Variants in GOT1 observed in about 807,000 individuals in gnomAD.
GOT1 encodes aspartate aminotransferase, cytoplasmic.
GOT1 carries 25 observed loss-of-function variants against 48.2 expected under a neutral mutation model. The ratio of observed to expected loss-of-function variants is 0.52; its 90% CI spans 0.38 to 0.72. The LOEUF (loss-of-function observed/expected upper bound fraction) is 0.72, where lower values mean the gene tolerates loss of function less well. GOT1 is among the 30% of genes least tolerant of loss of function. The pLI, the probability that GOT1 is intolerant of heterozygous loss-of-function variation, is 0.00. For synonymous variants in GOT1, 188 were observed against 193.8 expected, an observed-to-expected ratio of 0.97 and a Z score of 0.25; for missense variants, 380 against 520.1, an observed-to-expected ratio of 0.73 and a Z score of 2.62.
At position 99,397,836 on chromosome 10, in the gene GOT1, CAG is replaced by C; in HGVS notation, c.1103-152_1103-151del. On this transcript the variant is annotated intron_variant, in intron 8 of 8. Transcript: ENST00000370508. The surrounding 1 kb of genome is among the most constrained non-coding windows in gnomAD (Gnocchi z 5.4). ...GGCGCTATTTTGTCCAACTGACAAA[CAG>C]AAAAATATGCTCACTAGATTCTGGA... 4.3e-6 allele frequency: 3 copies of C among 695,674 alleles called. No homozygotes were observed. The highest frequency in any genetic ancestry group is 7.2e-6 in the Non-Finnish European group (3 of 418,514). 43.1% of individuals were successfully genotyped at this position (695,674 alleles called of 1,614,324 possible).
At chr10:99,403,351 T>TA (rs2032708798) in intron 7 of GOT1, 118 bp downstream of exon 7, 7 of 822,036 alleles carry the variant, frequency 8.5e-6, no homozygotes, top group Non-Finnish European at 1.2e-5. Context: ...TCAAAGAAGT[T>TA]AAAGTAATTT....
chr10:99,403,709 C>T lies in GOT1; in HGVS notation c.793+15G>A, dbSNP rs1015803472. 1.9e-6 allele frequency: 3 copies of T among 1,614,140 alleles called. No homozygotes were observed. The highest frequency in any genetic ancestry group is 2.5e-6 in the Non-Finnish European group (3 of 1,179,994). On this transcript the variant is annotated intron_variant, in intron 6 of 8. Transcript: ENST00000370508. ...GCGAGGAGGTGGGGCTGTAACTCCT[C>T]AGGAGAGCACTCACTGTAGAGCCCG...
chr10:99,429,342 C>T (rs2033083752), intron 1 of GOT1, among the ~76,000 whole-genome samples: 1 of 149,914 alleles, frequency 6.7e-6, no homozygotes, highest in South Asian at 2.1e-4. Flanking sequence ...GCCACCGCGC[C>T]CGGCCGACTT....
At position 99,420,878 on chromosome 10, in the gene GOT1, C is replaced by A. The variant is rs1008308357; in HGVS notation, c.119-73G>T. Reference sequence around the variant, plus strand: ...CAAGTTAAGAGTTTGTAACTGTGAACCAGGAGAATCCCACCACCTTCCGGT... The same window carrying A: ...CAAGTTAAGAGTTTGTAACTGTGAAACAGGAGAATCCCACCACCTTCCGGT... On this transcript the variant is annotated intron_variant, in intron 1 of 8. Coordinates refer to ENST00000370508, the MANE Select transcript of GOT1 (RefSeq NM_002079.3). 5 of 1,185,390 alleles carry A rather than the reference C, an allele frequency of 4.2e-6. No individual in the cohort carries two copies. In the Admixed American group the frequency reaches 1.1e-4, roughly 25 times the overall value. The allele number at this position is 1,185,390 out of a possible 1,614,324, so 73.4% of individuals were successfully genotyped here.
chr10:99,417,884 A>G (rs1051834435), intron 2 of GOT1, among the ~76,000 whole-genome samples: 7 of 152,094 alleles, frequency 4.6e-5, no homozygotes, highest in East Asian at 3.9e-4. Context: ...GGAGAACATC[A>G]CACACGGGTC....
chr10:99,423,685 G>C (rs993049529), intron 1 of GOT1, among the ~76,000 whole-genome samples: 3 of 152,092 alleles, frequency 2.0e-5, no homozygotes, highest in African/African-American at 7.2e-5. Context: ...GTCTCACTCT[G>C]TTGCCCAGGT....
rs1434732159 is a variant in GOT1 at position 99,402,696 on chromosome 10, T to C, written c.986A>G (p.Asp329Gly). 6.2e-7 allele frequency: 1 copy of C among 1,613,914 alleles called. No homozygotes were observed. The highest frequency in any genetic ancestry group is 8.5e-7 in the Non-Finnish European group (1 of 1,179,880). The stretch of plus-strand genomic sequence containing the variant: ...TTCAGATCTCATGGTCAGAATCCGG[T>C]CAGCCATTGTCTTCACATTACCTGT... ...EWTGNVKTMADRILTMRSELR... is the reference protein window; with the variant it reads ...EWTGNVKTMAGRILTMRSELR... Residue 329 changes from aspartate (D) to glycine (G), a missense_variant, in exon 8 of 9, where the codon GAC (aspartate) becomes GGC (glycine). By Grantham distance (94) the Asp-to-Gly change is moderately conservative (BLOSUM62 -1). Coordinates refer to ENST00000370508, the MANE Select transcript of GOT1 (RefSeq NM_002079.3).
chr10:99,402,548 C>G, intron 8 of GOT1, 32 bp downstream of exon 8: 1 of 1,611,894 alleles, frequency 6.2e-7, no homozygotes, highest in Non-Finnish European at 8.5e-7. Flanking sequence ...TCTACATGCA[C>G]GCATGGGCTG....
At chr10:99,413,313 T>C (rs1047876791) in intron 2 of GOT1, among the ~76,000 whole-genome samples, 3 of 152,120 alleles carry the variant, frequency 2.0e-5, no homozygotes, top group Non-Finnish European at 4.4e-5. Flanking sequence ...CAGTAGCCGA[T>C]TCGATCAACT....
chr10:99,400,450 A>G (rs900489621), intron 8 of GOT1, among the ~76,000 whole-genome samples: 1 of 151,868 alleles, frequency 6.6e-6, no homozygotes, highest in African/African-American at 2.4e-5. Context: ...GTTTGAGACC[A>G]GCCTGAGCAA....
At chr10:99,404,347 C>T (rs12249347) in intron 5 of GOT1, among the ~76,000 whole-genome samples, 10,335 of 152,258 alleles carry the variant, frequency 0.068, 430 homozygotes, top group Middle Eastern at 0.11. Context: ...CAGCTGTGCT[C>T]TCTGAGTGGA....
chr10:99,429,423 C>T (rs1235333644), intron 1 of GOT1, among the ~76,000 whole-genome samples: 1 of 151,632 alleles, frequency 6.6e-6, no homozygotes, highest in African/African-American at 2.4e-5. Flanking sequence ...TTCTGAGCGT[C>T]CTTCATGTCA....
chr10:99,414,810 T>A (rs1232591520), intron 2 of GOT1, among the ~76,000 whole-genome samples: 1 of 151,782 alleles, frequency 6.6e-6, no homozygotes, highest in Non-Finnish European at 1.5e-5. Context: ...CTCAACTACA[T>A]GAAAACTGAA....
chr10:99,403,371 T>C, intron 7 of GOT1, 98 bp downstream of exon 7: 1 of 995,086 alleles, frequency 1.0e-6, no homozygotes, highest in Non-Finnish European at 1.5e-6. Flanking sequence ...TTATCCTGCT[T>C]CTGCCAAAAT....
intron 8 of GOT1, among the ~76,000 whole-genome samples, chr10:99,401,418 C>A (rs138904454): frequency 1.3e-5 from 2 of 152,150 alleles, no homozygotes; most frequent in East Asian, 1.9e-4. Context: ...CAGTTAAATA[C>A]CTCCCCACGG....
chr10:99,399,128 T>G (rs1363393525), intron 8 of GOT1, among the ~76,000 whole-genome samples: 1 of 152,220 alleles, frequency 6.6e-6, no homozygotes, highest in African/African-American at 2.4e-5. Context: ...CTGTCTTTTG[T>G]GGGAGAGATC....
chr10:99,410,030 G>A (rs2032810356), intron 2 of GOT1, among the ~76,000 whole-genome samples: 1 of 152,142 alleles, frequency 6.6e-6, no homozygotes, highest in Admixed American at 6.5e-5. Context: ...TTACAGAGAG[G>A]GGCAAAGGCA....
chr10:99,420,538 C>A, intron 2 of GOT1, 86 bp downstream of exon 2: 1 of 1,009,350 alleles, frequency 9.9e-7, no homozygotes, highest in Non-Finnish European at 1.5e-6. Context: ...ATAGACATAA[C>A]GCCTAATATT....
intron 8 of GOT1, 53 bp downstream of exon 8, chr10:99,402,527 A>G: frequency 6.3e-7 from 1 of 1,594,924 alleles, no homozygotes. Context: ...GACTGAAAGG[A>G]ATGTTGTGTG....
Sources: allele counts gnomAD v4.1 joint callset (sites outside exome capture counted in the v4.1 genomes callset), GRCh38; gene constraint gnomAD v4.1.1; non-coding constraint Gnocchi (gnomAD v3.1); transcripts MANE v1.5; gene names NCBI Gene and HGNC (gene_info 2026-07-23, HGNC 2026-07-21).